Variants in RMDN3 observed in about 807,000 individuals in gnomAD.
The protein encoded by RMDN3 is regulator of microtubule dynamics 3.
Under a neutral mutation model 61.8 loss-of-function variants are expected in RMDN3, and 41 were observed. That is an observed-to-expected ratio of 0.66 (90% CI 0.52 to 0.86). The LOEUF (loss-of-function observed/expected upper bound fraction) is 0.86, where lower values mean the gene tolerates loss of function less well. Ranked by LOEUF, RMDN3 falls within the 40% of genes least tolerant of loss-of-function variation. RMDN3 has a pLI of 0.00. For synonymous variants in RMDN3, 247 were observed against 232.0 expected, an observed-to-expected ratio of 1.06 and a Z score of -0.59; for missense variants, 557 against 585.3, an observed-to-expected ratio of 0.95 and a Z score of 0.50.
chr15:40,743,910 CAG>C, intron 6 of RMDN3, 135 bp downstream of exon 6: 1 of 642,714 alleles, frequency 1.6e-6, no homozygotes, highest in Non-Finnish European at 2.7e-6. Flanking sequence ...CTTTGGGAGC[CAG>C]AGTTTGTCCC....
intron 12 of RMDN3, 152 bp downstream of exon 12, chr15:40,736,972 G>C: frequency 1.4e-6 from 1 of 721,942 alleles, no homozygotes; most frequent in Non-Finnish European, 2.4e-6. Flanking sequence ...TCCAGCCTCA[G>C]CTTCCCGAGT....
At chr15:40,740,813 C>T (rs1897249500) in intron 6 of RMDN3, among the ~76,000 whole-genome samples, 3 of 152,296 alleles carry the variant, frequency 2.0e-5, no homozygotes, top group African/African-American at 2.4e-5. Flanking sequence ...CAGCCAGGCA[C>T]GATGGCTTAT....
intron 5 of RMDN3, among the ~76,000 whole-genome samples, chr15:40,744,668 C>T (rs556955826): frequency 2.9e-3 from 438 of 152,110 alleles, no homozygotes; most frequent in Admixed American, 6.2e-3. Context: ...TTCCACATTT[C>T]CCCCTAGAGG....
At chr15:40,745,853 C>G (rs1193252656) in intron 4 of RMDN3, among the ~76,000 whole-genome samples, 1 of 152,132 alleles carries the variant, frequency 6.6e-6, no homozygotes, top group Non-Finnish European at 1.5e-5. Flanking sequence ...CAGCCTCAGG[C>G]CATGGGCAGC....
intron 7 of RMDN3, chr15:40,738,869 A>C (rs750970785): frequency 9.6e-5 from 40 of 417,832 alleles, no homozygotes; most frequent in Non-Finnish European, 1.4e-4. Flanking sequence ...TCCTACACTC[A>C]TAAGGAGTAC....
Position 40,746,143 on chromosome 15 carries a change from G to C in RMDN3, c.525-884C>G, listed in dbSNP as rs1235275263. On this transcript the variant is annotated intron_variant, in intron 4 of 12. Coordinates refer to ENST00000338376, the MANE Select transcript of RMDN3 (RefSeq NM_018145.3). ...TTCTCTTGGATCTCAGCCACCAGCA[G>C]CTGATTAGGGTGTTTTCCCTAAATG... Among the ~76,000 whole-genome samples the C allele has an allele frequency of 3.3e-5, 5 of 152,320 alleles. No individual in the cohort carries two copies. In the East Asian group the frequency reaches 9.7e-4, roughly 29 times the overall value.
At chr15:40,745,753 C>T (rs1897512771) in intron 4 of RMDN3, among the ~76,000 whole-genome samples, 1 of 152,154 alleles carries the variant, frequency 6.6e-6, no homozygotes, top group South Asian at 2.1e-4. Flanking sequence ...CCAGCTGAGG[C>T]CCTGTGACAG....
chr15:40,738,639 C>T, intron 7 of RMDN3, 63 bp from the exon 8 acceptor site: 3 of 1,514,820 alleles, frequency 2.0e-6, no homozygotes, highest in East Asian at 2.3e-5. Flanking sequence ...GGAATGGATG[C>T]CCCAACCACA....
chr15:40,742,068 G>A (rs1262449707), intron 6 of RMDN3, among the ~76,000 whole-genome samples: 1 of 152,072 alleles, frequency 6.6e-6, no homozygotes, highest in Non-Finnish European at 1.5e-5. Context: ...TGCCCAGGCT[G>A]GAGTGCAGTG....
At chr15:40,746,304 AG>A (rs1897550644) in intron 4 of RMDN3, among the ~76,000 whole-genome samples, 1 of 152,146 alleles carries the variant, frequency 6.6e-6, no homozygotes. Flanking sequence ...TCAGGAGGTC[AG>A]GAGATCAAGA....
rs10586666 is a variant in RMDN3 at position 40,750,210 on chromosome 15, GTTTTTTTTTTTTTT to G, written c.524+1202_524+1215del. 1.4e-3 allele frequency among the ~76,000 whole-genome samples: 122 copies of G among 89,706 alleles called. 1 individual carries two copies. The highest frequency in any genetic ancestry group is 5.2e-3 in the African/African-American group (122 of 23,260). 58.9% of individuals were successfully genotyped at this position (89,706 alleles called of 152,430 possible). ...CGACCCATGCCACCATGCCCAGCTC[GTTTTTTTTTTTTTT>G]TTTTTTTTTCTTTGAGATGGAGTCT... On this transcript the variant is annotated intron_variant, in intron 4 of 12. Coordinates refer to ENST00000338376, the MANE Select transcript of RMDN3 (RefSeq NM_018145.3).
At position 40,736,463 on chromosome 15, in the gene RMDN3, C is replaced by T. The variant is rs1897047432; in HGVS notation, c.*78G>A. On this transcript the variant is annotated 3_prime_UTR_variant, in exon 13 of 13. Transcript: ENST00000338376. ...GATTTGTGTGGTTTCCTGATCTCAG[C>T]AAGGTCTAAGGAAAAAAGCCTCCCC... 1 of 1,315,338 alleles carries T rather than the reference C, an allele frequency of 7.6e-7. No homozygotes were observed. The highest frequency in any genetic ancestry group is 1.1e-6 in the Non-Finnish European group (1 of 912,778). The allele number at this position is 1,315,338 out of a possible 1,614,324, so 81.5% of individuals were successfully genotyped here.
Position 40,738,020 on chromosome 15 carries a change from G to A in RMDN3, c.1070C>T (p.Ala357Val), listed in dbSNP as rs757596064. Reference sequence around the variant, plus strand: ...AGCCATGGGGTTTTCTGGCTGGAGAGCAATGGCTTTGTCCACATGCTCCTA... The same window carrying A: ...AGCCATGGGGTTTTCTGGCTGGAGAACAATGGCTTTGTCCACATGCTCCTA... ...SFKEHVDKAI[A>V]LQPENPMAHF... Residue 357 changes from alanine (A) to valine (V), a missense_variant, in exon 9 of 13, where the codon GCT (alanine) becomes GTT (valine). Physicochemically the swap from Ala to Val is moderately conservative, Grantham distance 64. Transcript: ENST00000338376. The A allele has an allele frequency of 1.2e-6, 2 of 1,614,158 alleles. No homozygotes were observed. Among genetic ancestry groups the A allele is most frequent in the Non-Finnish European group, 1.7e-6 (2 of 1,180,026 alleles).
intron 4 of RMDN3, chr15:40,747,710 G>A (rs1897634881): frequency 7.5e-6 from 1 of 133,450 alleles, no homozygotes; most frequent in South Asian, 2.5e-4. Context: ...CGGAGGACAG[G>A]AGTTCCCACA....
intron 3 of RMDN3, 150 bp downstream of exon 3, chr15:40,751,836 G>T: frequency 2.2e-6 from 2 of 894,542 alleles, no homozygotes; most frequent in Non-Finnish European, 3.4e-6. Context: ...TGTGCAAGGC[G>T]AGGTACCAAA....
intron 6 of RMDN3, among the ~76,000 whole-genome samples, chr15:40,742,507 T>C (rs1897323028): frequency 6.6e-6 from 1 of 152,172 alleles, no homozygotes; most frequent in Non-Finnish European, 1.5e-5. Context: ...GACAGTGTTG[T>C]AGACAAGACA....
intron 9 of RMDN3, 86 bp downstream of exon 9, chr15:40,737,879 G>A (rs1397405899): frequency 2.0e-6 from 3 of 1,526,310 alleles, no homozygotes; most frequent in Non-Finnish European, 2.7e-6. Flanking sequence ...AGCCAGAGAA[G>A]GCTGAGGATC....
At chr15:40,746,435 TGAACC>T (rs1897562709) in intron 4 of RMDN3, among the ~76,000 whole-genome samples, 1 of 148,506 alleles carries the variant, frequency 6.7e-6, no homozygotes, top group Non-Finnish European at 1.5e-5. Flanking sequence ...AGAATGGGCG[TGAACC>T]CGGGAGGCAG....
Position 40,736,489 on chromosome 15 carries a change from G to T in RMDN3, c.*52C>A. The T allele has an allele frequency of 6.5e-7, 1 of 1,548,458 alleles. No homozygotes were observed. Among genetic ancestry groups the T allele is most frequent in the Non-Finnish European group, 8.9e-7 (1 of 1,121,952 alleles). On this transcript the variant is annotated 3_prime_UTR_variant, in exon 13 of 13. Transcript: ENST00000338376. Reference sequence around the variant, plus strand: ...AAGGTCTAAGGAAAAAAGCCTCCCCGCCCCCCCACCTTAAATAGTGGCATC... The same window carrying T: ...AAGGTCTAAGGAAAAAAGCCTCCCCTCCCCCCCACCTTAAATAGTGGCATC...
Sources: allele counts gnomAD v4.1 joint callset (sites outside exome capture counted in the v4.1 genomes callset), GRCh38; gene constraint gnomAD v4.1.1; transcripts MANE v1.5; gene names NCBI Gene and HGNC (gene_info 2026-07-23, HGNC 2026-07-21).